PTPRO: variants seen among roughly 807,000 people sequenced by gnomAD.
PTPRO encodes receptor-type tyrosine-protein phosphatase O.
In PTPRO, 62 loss-of-function variants were observed where a neutral mutation model predicts 145.2. That is an observed-to-expected ratio of 0.43 (90% CI 0.35 to 0.53). The LOEUF is 0.53. Among genes scored for constraint, PTPRO ranks in the 20% least tolerant of loss-of-function variants. The probability of loss-of-function intolerance (pLI) is 0.01; values close to 1 mark genes in which losing one functional copy is unlikely to be tolerated. For missense variants in PTPRO, 1,345 were observed against 1,482.7 expected (o/e 0.91, Z 1.53); for synonymous variants, 565 against 514.7 (o/e 1.10, Z -1.32).
Position 15,595,021 on chromosome 12 carries a change from G to A in PTPRO, c.3631G>A (p.Glu1211Lys), listed in dbSNP as rs746890263. 28 of 1,613,508 alleles carry A rather than the reference G, an allele frequency of 1.7e-5. No individual in the cohort carries two copies. The highest frequency in any genetic ancestry group is 2.2e-5 in the Non-Finnish European group (26 of 1,179,668). Residue 1211 changes from glutamate (E) to lysine (K), a missense_variant, in exon 26 of 27, where the codon GAG becomes AAG. By Grantham distance (56) the Glu-to-Lys change is moderately conservative. Around this residue, in one of 3 missense-constraint regions of PTPRO, gnomAD observed 208 missense variants for 242.8 expected, o/e 0.86. Transcript: ENST00000281171. ...QQFCISDVIY[E>K]NVSKS Reference sequence around the variant, plus strand: ...GTTCTGCATCAGTGATGTCATATACGAGAATGTTAGCAAGTCCTAGTTCAG... The same window carrying A: ...GTTCTGCATCAGTGATGTCATATACAAGAATGTTAGCAAGTCCTAGTTCAG...
At chr12:15,360,217 G>A (rs909428587) in intron 1 of PTPRO, among the ~76,000 whole-genome samples, 1 of 152,068 alleles carries the variant, frequency 6.6e-6, no homozygotes, top group African/African-American at 2.4e-5. Context: ...AGTTTCATCA[G>A]GAAAGGAGCT....
At chr12:15,576,536 T>A (rs1374604437) in intron 19 of PTPRO, among the ~76,000 whole-genome samples, 2 of 152,236 alleles carry the variant, frequency 1.3e-5, no homozygotes, top group Non-Finnish European at 2.9e-5. Flanking sequence ...CCTTTTCCCA[T>A]GGCTTATCAG....
At chr12:15,409,131 C>T (rs1003245226) in intron 1 of PTPRO, among the ~76,000 whole-genome samples, 1 of 151,996 alleles carries the variant, frequency 6.6e-6, no homozygotes, top group African/African-American at 2.4e-5. Context: ...TAAGTTAAAA[C>T]TTTCATCGGA....
chr12:15,548,190 CCTCA>C (rs1323678040), intron 13 of PTPRO, among the ~76,000 whole-genome samples: 1 of 145,254 alleles, frequency 6.9e-6, no homozygotes, highest in African/African-American at 2.5e-5. Flanking sequence ...ACTTCAGCAA[CCTCA>C]CTTACGGTAA....
intron 1 of PTPRO, among the ~76,000 whole-genome samples, chr12:15,469,343 G>A (rs555897913): frequency 6.6e-6 from 1 of 152,298 alleles, no homozygotes; most frequent in Non-Finnish European, 1.5e-5. Flanking sequence ...AATAAAACTT[G>A]TTTCAGAGGC....
intron 23 of PTPRO, among the ~76,000 whole-genome samples, chr12:15,584,466 A>G (rs1458184844): frequency 1.3e-5 from 2 of 152,238 alleles, no homozygotes; most frequent in Admixed American, 6.5e-5. Flanking sequence ...AAGAAGAGTC[A>G]CATAGATTAT....
intron 1 of PTPRO, among the ~76,000 whole-genome samples, chr12:15,466,747 G>A (rs253813): frequency 0.021 from 3,195 of 151,826 alleles, 122 homozygotes; most frequent in East Asian, 0.14. Flanking sequence ...TGCAACCAAC[G>A]TTCATATTCA....
rs548178575 is a variant in PTPRO, at chr12:15,438,938, G to A, written c.76-45036G>A. ...AGTCACCAGATTGAGCAAGGTCAAC[G>A]CTAAAGAAAAAATCTTAAAGACTGC... is the stretch of plus-strand genomic sequence containing the variant. On this transcript the variant is annotated intron_variant, in intron 1 of 26. Coordinates refer to ENST00000281171, the MANE Select transcript of PTPRO (RefSeq NM_030667.3). Among the ~76,000 whole-genome samples the A allele has an allele frequency of 3.3e-5, 5 of 152,184 alleles. No homozygotes were observed. The South Asian group carries it at 6.2e-4, about 19-fold the overall frequency.
intron 25 of PTPRO, among the ~76,000 whole-genome samples, chr12:15,593,065 A>C (rs900442868): frequency 6.6e-6 from 1 of 152,220 alleles, no homozygotes; most frequent in African/African-American, 2.4e-5. Flanking sequence ...ATGTCCAGGC[A>C]ATCTCTGGTC....
chr12:15,349,964 G>A (rs1937741473), intron 1 of PTPRO, among the ~76,000 whole-genome samples: 1 of 152,186 alleles, frequency 6.6e-6, no homozygotes, highest in South Asian at 2.1e-4. Flanking sequence ...AGGAATAAAA[G>A]TTAAGCTTCG....
chr12:15,409,242 G>A (rs1057069286), intron 1 of PTPRO, among the ~76,000 whole-genome samples: 3 of 152,084 alleles, frequency 2.0e-5, no homozygotes, highest in South Asian at 2.1e-4. Context: ...TTTACCCAAG[G>A]TGTTGCAACT....
chr12:15,436,481 C>A (rs1180675895), intron 1 of PTPRO, among the ~76,000 whole-genome samples: 1 of 152,124 alleles, frequency 6.6e-6, no homozygotes, highest in African/African-American at 2.4e-5. Context: ...AGTAGAGCCC[C>A]AGTATGTGAG....
At chr12:15,518,828 C>T (rs1354368528) in intron 9 of PTPRO, among the ~76,000 whole-genome samples, 1 of 152,132 alleles carries the variant, frequency 6.6e-6, no homozygotes, top group African/African-American at 2.4e-5. Flanking sequence ...TTTCATTGTC[C>T]ATATCATTAT....
chr12:15,591,979 G>A (rs1001996819), intron 25 of PTPRO, among the ~76,000 whole-genome samples: 5 of 152,282 alleles, frequency 3.3e-5, no homozygotes, highest in Middle Eastern at 3.4e-3. Flanking sequence ...AGCAAAGGGG[G>A]CAGAGGTTCC....
Sources: allele counts gnomAD v4.1 joint callset (sites outside exome capture counted in the v4.1 genomes callset), GRCh38; gene constraint gnomAD v4.1.1; regional missense constraint gnomAD v4.1.1; transcripts MANE v1.5; gene names NCBI Gene and HGNC (gene_info 2026-07-23, HGNC 2026-07-21).